ACADS: variants seen among roughly 807,000 people sequenced by gnomAD.
The protein encoded by ACADS is acyl-CoA dehydrogenase short chain.
In ACADS, 28 loss-of-function variants were observed where a neutral mutation model predicts 46.8. That is an observed-to-expected ratio of 0.60 (90% CI 0.44 to 0.82). The LOEUF (loss-of-function observed/expected upper bound fraction) is 0.82, where lower values mean the gene tolerates loss of function less well. Ranked by LOEUF, ACADS falls within the 40% of genes least tolerant of loss-of-function variation. The pLI, the probability that ACADS is intolerant of heterozygous loss-of-function variation, is 0.00. For missense variants in ACADS, 528 were observed against 578.0 expected, an observed-to-expected ratio of 0.91 and a Z score of 0.89; for synonymous variants, 236 against 237.7, an observed-to-expected ratio of 0.99 and a Z score of 0.07.
chr12:120,738,798 G>A (rs1883548980), intron 7 of ACADS, 22 bp from the exon 8 acceptor site: 1 of 1,613,790 alleles, frequency 6.2e-7, no homozygotes, highest in East Asian at 2.2e-5. Context: ...CTGACCTGTG[G>A]TGTGGGGTGG....
intron 1 of ACADS, among the ~76,000 whole-genome samples, chr12:120,726,311 C>T (rs1055777269): frequency 6.6e-6 from 1 of 152,076 alleles, no homozygotes; most frequent in Non-Finnish European, 1.5e-5. Flanking sequence ...TCGGTTGGCC[C>T]ATGTGTAAAA....
At position 120,738,417 on chromosome 12, in the gene ACADS, G is replaced by C. The variant is rs766743013; in HGVS notation, c.762G>C (p.Leu254=). ...GTCGCATCCCCAAGGACAGCATCCTGGGGGAGCCAGGGATGGGCTTCAAGA... is the reference window on the plus strand; with the variant it reads ...GTCGCATCCCCAAGGACAGCATCCTCGGGGAGCCAGGGATGGGCTTCAAGA... ...EDCRIPKDSI[L]GEPGMGFKIA... Residue 254 remains leucine (L), a synonymous_variant, in exon 6 of 10, where the codon CTG becomes CTC. Coordinates refer to ENST00000242592, the MANE Select transcript of ACADS (RefSeq NM_000017.4). 10 of 1,612,680 alleles carry C rather than the reference G, an allele frequency of 6.2e-6. No individual in the cohort carries two copies. In the South Asian group the frequency reaches 1.1e-4, roughly 18 times the overall value.
At chr12:120,738,736 G>C in intron 7 of ACADS, 66 bp downstream of exon 7, 1 of 1,609,704 alleles carries the variant, frequency 6.2e-7, no homozygotes, top group Non-Finnish European at 8.5e-7. Context: ...GTGGCCTCCT[G>C]ACTGCTCTCC....
At chr12:120,732,576 C>T (rs1358461012) in intron 2 of ACADS, among the ~76,000 whole-genome samples, 17 of 151,140 alleles carry the variant, frequency 1.1e-4, no homozygotes, top group African/African-American at 4.1e-4. Flanking sequence ...CTCCTCAGTT[C>T]CCAGACGGGG....
At chr12:120,734,389 G>C (rs1883360331) in intron 2 of ACADS, among the ~76,000 whole-genome samples, 1 of 152,162 alleles carries the variant, frequency 6.6e-6, no homozygotes, top group African/African-American at 2.4e-5. Context: ...TGCACTTGTG[G>C]GGGTCATAGC....
In ACADS at chr12:120,737,893, T is replaced by C. The variant is rs57443665; in HGVS notation, c.529T>C (p.Trp177Arg). 3.4e-4 allele frequency: 555 copies of C among 1,614,116 alleles called. 6 individuals are homozygous for C. The African/African-American group carries it at 6.7e-3, about 19-fold the overall frequency. The change falls in exon 5 of 10, where the codon TGG becomes CGG. Residue 177 changes from tryptophan to arginine, a missense_variant. Physicochemically the swap from Trp to Arg is moderately radical, Grantham distance 101 (BLOSUM62 -3). Transcript: ENST00000242592. ...CACCGCCCGGGCCGAGGGCGACTCA[T>C]GGGTTCTGAATGGAACCAAAGCCTG... ...STTARAEGDSWVLNGTKAWIT... is the reference protein window; with the variant it reads ...STTARAEGDSRVLNGTKAWIT...
chr12:120,737,606 C>CCT, intron 4 of ACADS, 139 bp downstream of exon 4: 1 of 1,065,702 alleles, frequency 9.4e-7, no homozygotes, highest in Non-Finnish European at 1.4e-6. Flanking sequence ...GCGCTCTTGC[C>CCT]ACCGCGGCGC....
rs370942874 is a variant in ACADS, at chr12:120,727,270, A to T, written c.210+81A>T. Reference sequence around the variant, plus strand: ...AATGGTGGCAGTGACAGTCAGCGGCACTCGGACTCTGGTAGAGGAACCCCA... The same window carrying T: ...AATGGTGGCAGTGACAGTCAGCGGCTCTCGGACTCTGGTAGAGGAACCCCA... On this transcript the variant is annotated intron_variant, in intron 2 of 9. Coordinates refer to ENST00000242592, the MANE Select transcript of ACADS (RefSeq NM_000017.4). 168 of 1,577,190 alleles carry T rather than the reference A, an allele frequency of 1.1e-4. No homozygotes were observed. The East Asian group carries it at 2.8e-3, about 26-fold the overall frequency.
At chr12:120,726,990 C>T in intron 1 of ACADS, 36 bp from the exon 2 acceptor site, 1 of 1,612,896 alleles carries the variant, frequency 6.2e-7, no homozygotes, top group Non-Finnish European at 8.5e-7. Flanking sequence ...AGACCTCCTG[C>T]CTCCTCCTTC....
intron 2 of ACADS, among the ~76,000 whole-genome samples, chr12:120,734,972 G>A (rs1250491472): frequency 4.6e-5 from 7 of 150,996 alleles, no homozygotes; most frequent in Non-Finnish European, 4.4e-5. Context: ...GGCTGGTCTC[G>A]AACTCCTGGC....
In ACADS at chr12:120,728,956, T is replaced by C. The variant is rs560278513; in HGVS notation, c.210+1767T>C. Among the ~76,000 whole-genome samples the C allele has an allele frequency of 6.6e-6, 1 of 152,224 alleles. No homozygotes were observed. The highest frequency in any genetic ancestry group is 1.5e-5 in the Non-Finnish European group (1 of 68,050). On this transcript the variant is annotated intron_variant, in intron 2 of 9. Coordinates refer to ENST00000242592, the MANE Select transcript of ACADS (RefSeq NM_000017.4). The surrounding 1 kb of genome is among the most constrained non-coding windows in gnomAD (Gnocchi z 4.0). ...GTCTTACAGTTTCTTACGGTTTCTC[T>C]TGGGAGTCTGGAGACCACCAGGCTC... is the stretch of plus-strand genomic sequence containing the variant.
intron 2 of ACADS, among the ~76,000 whole-genome samples, chr12:120,727,672 G>C (rs1883126994): frequency 6.6e-6 from 1 of 152,152 alleles, no homozygotes; most frequent in African/African-American, 2.4e-5. Context: ...AAGTAGCTGG[G>C]ATTATAGGCG....
chr12:120,738,190 T>G, intron 5 of ACADS, 90 bp from the exon 6 acceptor site: 2 of 1,598,374 alleles, frequency 1.3e-6, no homozygotes, highest in East Asian at 2.3e-5. Flanking sequence ...CTGAGGGAGG[T>G]GGGGAGGGGA....
Position 120,738,367 on chromosome 12 carries a change from A to G in ACADS, c.712A>G (p.Thr238Ala), listed in dbSNP as rs2136949858. Residue 238 changes from threonine (T) to alanine (A), a missense_variant, in exon 6 of 10, where the codon ACG (threonine) becomes GCG (alanine). Physicochemically the swap from Thr to Ala is moderately conservative, Grantham distance 58. Coordinates refer to ENST00000242592, the MANE Select transcript of ACADS (RefSeq NM_000017.4). Reference protein sequence around the residue: ...EDKLGIRGSSTANLIFEDCRI... With the variant: ...EDKLGIRGSSAANLIFEDCRI... ...CAAGCTGGGCATCCGGGGCTCATCC[A>G]CGGCCAACCTCATCTTTGAGGACTG... 2 of 1,614,122 alleles carry G rather than the reference A, an allele frequency of 1.2e-6. No homozygotes were observed. Among genetic ancestry groups the G allele is most frequent in the Non-Finnish European group, 8.5e-7 (1 of 1,180,032 alleles).
In ACADS at chr12:120,737,950, G is replaced by A. The variant is rs773564658; in HGVS notation, c.586G>A (p.Val196Met). 10 of 1,613,990 alleles carry A rather than the reference G, an allele frequency of 6.2e-6. No homozygotes were observed. Among genetic ancestry groups the A allele is most frequent in the African/African-American group, 1.3e-5 (1 of 74,924 alleles). ...CAATGCCTGGGAGGCTTCGGCTGCCGTGGTCTTTGCCAGCACGGACAGAGC... is the reference window on the plus strand; with the variant it reads ...CAATGCCTGGGAGGCTTCGGCTGCCATGGTCTTTGCCAGCACGGACAGAGC... ...ITNAWEASAA[V>M]VFASTDRALQ... The change falls in exon 5 of 10, where the codon GTG becomes ATG. Residue 196 changes from valine (V) to methionine (M), a missense_variant. Transcript: ENST00000242592.
chr12:120,738,173 T>C, intron 5 of ACADS, 107 bp from the exon 6 acceptor site: 1 of 1,586,414 alleles, frequency 6.3e-7, no homozygotes, highest in South Asian at 1.1e-5. Context: ...TGTCAAGGCC[T>C]GAGCTTCTGA....
chr12:120,738,031 T>C (rs1883513318), intron 5 of ACADS, 43 bp downstream of exon 5: 1 of 1,611,480 alleles, frequency 6.2e-7, no homozygotes, highest in Non-Finnish European at 8.5e-7. Flanking sequence ...CCTGGGCTGC[T>C]GTCATTTCTG....
rs697853 is a variant in ACADS, at chr12:120,739,175, C to T, written c.1065C>T (p.Ala355=). ...AAMAKLAASE[A]ATAISHQAIQ... ...TGGCCAAGCTGGCCGCCTCGGAGGCCGCGACCGCCATCAGCCACCAGGTGA... is the reference window on the plus strand; with the variant it reads ...TGGCCAAGCTGGCCGCCTCGGAGGCTGCGACCGCCATCAGCCACCAGGTGA... Residue 355 remains alanine, a synonymous_variant, in exon 9 of 10, where the codon GCC becomes GCT. Transcript: ENST00000242592. 41 of 1,612,904 alleles carry T rather than the reference C, an allele frequency of 2.5e-5. No individual in the cohort carries two copies. The highest frequency in any genetic ancestry group is 3.1e-5 in the Non-Finnish European group (36 of 1,180,016).
In ACADS at chr12:120,732,254, C is replaced by T. The variant is rs531673223; in HGVS notation, c.211-4732C>T. Reference sequence around the variant, plus strand: ...TCACCTCCCGGACGGGGCGGCTGGCCGGGCGGGGGCTGACCCCCACCTCCC... The same window carrying T: ...TCACCTCCCGGACGGGGCGGCTGGCTGGGCGGGGGCTGACCCCCACCTCCC... On this transcript the variant is annotated intron_variant, in intron 2 of 9. Transcript: ENST00000242592. Among the ~76,000 whole-genome samples, 770 of 148,892 alleles carry T rather than the reference C, an allele frequency of 5.2e-3. 3 individuals carry two copies. The highest frequency in any genetic ancestry group is 8.6e-3 in the Non-Finnish European group (579 of 67,166).
Sources: allele counts gnomAD v4.1 joint callset (sites outside exome capture counted in the v4.1 genomes callset), GRCh38; gene constraint gnomAD v4.1.1; non-coding constraint Gnocchi (gnomAD v3.1); transcripts MANE v1.5; gene names NCBI Gene and HGNC (gene_info 2026-07-23, HGNC 2026-07-21).